Variants in CFAP52 observed in about 807,000 individuals in gnomAD.
The protein encoded by CFAP52 is cilia and flagella associated protein 52.
A neutral mutation model predicts 70.5 loss-of-function variants in CFAP52; 57 were observed. The ratio of observed to expected loss-of-function variants is 0.81; its 90% confidence interval spans 0.65 to 1.01. The LOEUF (loss-of-function observed/expected upper bound fraction) is 1.01, where lower values mean the gene tolerates loss of function less well. CFAP52 is among the 50% of genes least tolerant of loss of function. The pLI is 0.00. For missense variants in CFAP52, 785 were observed against 788.5 expected, an observed-to-expected ratio of 1.00 and a Z score of 0.05; for synonymous variants, 267 against 292.5, an observed-to-expected ratio of 0.91 and a Z score of 0.89.
chr17:9,635,288 A>C (rs745561888), intron 10 of CFAP52, 117 bp from the exon 11 acceptor site: 6 of 1,408,530 alleles, frequency 4.3e-6, no homozygotes, highest in Non-Finnish European at 5.8e-6. Flanking sequence ...AGACAAAGAC[A>C]GGGAATTAAA....
chr17:9,576,677 T>TA lies in CFAP52; in HGVS notation c.-17dup, dbSNP rs1907958723. On this transcript the variant is annotated 5_prime_UTR_variant, in exon 1 of 14. Transcript: ENST00000352665. The stretch of plus-strand genomic sequence containing the variant: ...GCAGCCACTAGGGAGGAGAGCAAAG[T>TA]AATCAGAACCTCCCAAGGATGGATA... 6.2e-7 allele frequency: 1 copy of TA among 1,602,164 alleles called. No homozygotes were observed. Among genetic ancestry groups the TA allele is most frequent in the Non-Finnish European group, 8.5e-7 (1 of 1,173,532 alleles).
At chr17:9,578,162 C>T (rs968127181) in intron 1 of CFAP52, among the ~76,000 whole-genome samples, 8 of 152,214 alleles carry the variant, frequency 5.3e-5, no homozygotes, top group African/African-American at 1.9e-4. Context: ...TATGAATACT[C>T]ATGAAGGTGG....
intron 4 of CFAP52, among the ~76,000 whole-genome samples, chr17:9,595,374 C>CATTT (rs1210500549): frequency 1.3e-5 from 2 of 152,110 alleles, no homozygotes; most frequent in Non-Finnish European, 2.9e-5. Context: ...ATGCAACTTA[C>CATTT]ATTTGCTCCA....
Position 9,638,730 on chromosome 17 carries a change from A to T in CFAP52, c.1575+19A>T. 1 of 1,611,442 alleles carries T rather than the reference A, an allele frequency of 6.2e-7. No homozygotes were observed. The highest frequency in any genetic ancestry group is 8.5e-7 in the Non-Finnish European group (1 of 1,177,564). On this transcript the variant is annotated intron_variant, in intron 12 of 13. Transcript: ENST00000352665. ...CAGAAAGGTGAGTCCTCCCAGTGAGAGATGAGATCTTTCCAGCGCAAGAGA... is the reference window on the plus strand; with the variant it reads ...CAGAAAGGTGAGTCCTCCCAGTGAGTGATGAGATCTTTCCAGCGCAAGAGA...
intron 10 of CFAP52, among the ~76,000 whole-genome samples, chr17:9,633,940 C>A (rs1299681775): frequency 6.6e-6 from 1 of 152,144 alleles, no homozygotes; most frequent in Non-Finnish European, 1.5e-5. Flanking sequence ...CTCGGCCTCC[C>A]AAAGTGCTGG....
chr17:9,613,975 T>A (rs1909807773), intron 8 of CFAP52, among the ~76,000 whole-genome samples: 1 of 151,858 alleles, frequency 6.6e-6, no homozygotes, highest in Non-Finnish European at 1.5e-5. Flanking sequence ...TGGTCTCACT[T>A]TTTCCCCTCT....
chr17:9,635,570 A>T lies in CFAP52; in HGVS notation c.1472+14A>T, dbSNP rs768433333. The T allele has an allele frequency of 5.6e-5, 91 of 1,613,934 alleles. No homozygotes were observed. Among genetic ancestry groups the T allele is most frequent in the Non-Finnish European group, 7.3e-5 (86 of 1,180,010 alleles). ...TTGGGACCTTGTGTAGGTACCTGTG[A>T]TGGGGAGGATGCAGTGATACCTGCA... On this transcript the variant is annotated intron_variant, in intron 11 of 13. Transcript: ENST00000352665.
intron 5 of CFAP52, among the ~76,000 whole-genome samples, chr17:9,599,620 G>A (rs1909176315): frequency 6.6e-6 from 1 of 152,138 alleles, no homozygotes; most frequent in South Asian, 2.1e-4. Context: ...TGAGCCTGGG[G>A]AAATAGAAGC....
At chr17:9,622,203 CCT>C (rs1597788215) in intron 8 of CFAP52, among the ~76,000 whole-genome samples, 2 of 152,230 alleles carry the variant, frequency 1.3e-5, no homozygotes, top group East Asian at 3.9e-4. Context: ...ACATCAATCC[CCT>C]TAGATTCTTT....
intron 11 of CFAP52, 82 bp downstream of exon 11, chr17:9,635,638 T>A: frequency 1.3e-6 from 2 of 1,562,676 alleles, no homozygotes; most frequent in Non-Finnish European, 1.7e-6. Context: ...GAGAGAAGAT[T>A]CACATGGAGG....
chr17:9,633,014 G>A lies in CFAP52; in HGVS notation c.1301G>A (p.Ser434Asn), dbSNP rs200492665. 3.5e-5 allele frequency: 56 copies of A among 1,613,924 alleles called. No homozygotes were observed. The East Asian group carries it at 4.2e-4, about 12-fold the overall frequency. The change falls in exon 10 of 14, where the codon AGT becomes AAT. Residue 434 changes from serine to asparagine, a missense_variant. Ser to Asn is a conservative substitution (Grantham distance 46). Coordinates refer to ENST00000352665, the MANE Select transcript of CFAP52 (RefSeq NM_145054.5). ...ATTSDCKRVI[S>N]GGGEGEVRVW... ...ACCAGTGACTGTAAAAGGGTCATCA[G>A]TGGCGGTGGGGAAGGGGAGGTATTG...
chr17:9,577,548 G>A (rs960979643), intron 1 of CFAP52, among the ~76,000 whole-genome samples: 10 of 152,182 alleles, frequency 6.6e-5, no homozygotes, highest in African/African-American at 2.4e-4. Flanking sequence ...AATGTGTGTT[G>A]TGATGCCTGA....
downstream of CFAP52, chr17:9,645,027 C>G (rs1911258611): frequency 6.6e-6 from 1 of 152,088 alleles, no homozygotes; most frequent in South Asian, 2.1e-4. This position sits in a 1 kb window ranked among gnomAD's most constrained non-coding sequence, Gnocchi z 6.8. Context: ...GGTGCAGGCA[C>G]AGACTCTGCC....
intron 4 of CFAP52, among the ~76,000 whole-genome samples, chr17:9,597,803 A>AAGAGAGAGAGAGAG (rs10548437): frequency 7.2e-5 from 10 of 139,118 alleles, no homozygotes; most frequent in African/African-American, 2.7e-4. Flanking sequence ...CTCTGTCAGA[A>AAGAGAGAGAGAGAG]AGAGAGAGAG....
chr17:9,583,968 C>G (rs995083102), intron 1 of CFAP52, among the ~76,000 whole-genome samples: 2 of 152,128 alleles, frequency 1.3e-5, no homozygotes, highest in Non-Finnish European at 2.9e-5. Context: ...AATAAACTAG[C>G]GTTCAAAGAC....
intron 1 of CFAP52, 53 bp downstream of exon 1, chr17:9,576,818 T>G (rs974962669): frequency 1.3e-6 from 2 of 1,581,070 alleles, no homozygotes; most frequent in African/African-American, 2.7e-5. Flanking sequence ...GGAGGACGTG[T>G]AGTGCAAACA....
In CFAP52 at chr17:9,585,990, G is replaced by T; in HGVS notation, c.270+18G>T. The T allele has an allele frequency of 6.2e-7, 1 of 1,612,270 alleles. No homozygotes were observed. The highest frequency in any genetic ancestry group is 1.1e-5 in the South Asian group (1 of 90,958). On this transcript the variant is annotated intron_variant, in intron 2 of 13. Transcript: ENST00000352665. ...GGTTCAAGGTGAATACAGTGAAAAC[G>T]ACTCATTGTCAATTTATCTAGAGGT...
chr17:9,581,884 C>T (rs1908243865), intron 1 of CFAP52, among the ~76,000 whole-genome samples: 1 of 152,170 alleles, frequency 6.6e-6, no homozygotes, highest in South Asian at 2.1e-4. Context: ...TGCAAAGGAG[C>T]ATTGAGCGTT....
chr17:9,597,086 C>T (rs932441657), intron 4 of CFAP52, among the ~76,000 whole-genome samples: 3 of 152,144 alleles, frequency 2.0e-5, no homozygotes, highest in Admixed American at 6.5e-5. Context: ...CACCCCCAGT[C>T]TCTGATAACC....
Sources: gnomAD v4.1 joint callset for allele counts (sites outside exome capture counted in the v4.1 genomes callset) on GRCh38, gnomAD v4.1.1 for gene constraint, Gnocchi (gnomAD v3.1) non-coding constraint, MANE v1.5 for transcripts, NCBI Gene and HGNC (gene_info 2026-07-23, HGNC 2026-07-21) for gene names.